The following ABCA10 variants were observed in gnomAD, a reference collection of about 807,000 sequenced individuals.
The protein encoded by ABCA10 is ATP binding cassette subfamily A member 10, also known as ATP-binding cassette sub-family A member 10.
ABCA10 carries 169 observed loss-of-function variants against 187.5 expected under a neutral mutation model. The ratio of observed to expected loss-of-function variants is 0.90; its 90% CI spans 0.80 to 1.02. The LOEUF is 1.02. ABCA10 is among the 50% of genes least tolerant of loss of function. The pLI is 0.00. For synonymous variants in ABCA10, 574 were observed against 601.8 expected, an observed-to-expected ratio of 0.95 and a Z score of 0.68; for missense variants, 1,727 against 1,812.4, an observed-to-expected ratio of 0.95 and a Z score of 0.86.
intron 4 of ABCA10, 40 bp from the exon 5 acceptor site, chr17:69,221,935 G>A (rs764747196): frequency 3.3e-5 from 47 of 1,431,268 alleles, no homozygotes; most frequent in Non-Finnish European, 4.5e-5. Context: ...GTTATATAAT[G>A]GAGTCAACTC....
intron 15 of ABCA10, 96 bp downstream of exon 15, chr17:69,193,014 C>A (rs2074472652): frequency 6.8e-7 from 1 of 1,478,684 alleles, no homozygotes; most frequent in Non-Finnish European, 9.0e-7. Flanking sequence ...AAATAAACTG[C>A]AAACAAGATT....
At chr17:69,175,704 G>T (rs2074329606) in intron 22 of ABCA10, 191 bp from the exon 23 acceptor site, 2 of 439,208 alleles carry the variant, frequency 4.6e-6, no homozygotes, top group South Asian at 6.1e-5. Flanking sequence ...TGATATAAAA[G>T]AAATTCAAAA....
At chr17:69,162,814 C>CATATAG in intron 27 of ABCA10, among the ~76,000 whole-genome samples, 4 of 61,394 alleles carry the variant, frequency 6.5e-5, no homozygotes, top group African/African-American at 9.5e-5. Context: ...TACATATATA[C>CATATAG]ATATACATAT....
At chr17:69,225,892 C>T (rs1036277421) in intron 2 of ABCA10, among the ~76,000 whole-genome samples, 1 of 151,978 alleles carries the variant, frequency 6.6e-6, no homozygotes, top group Non-Finnish European at 1.5e-5. Flanking sequence ...GCTTTTAGAT[C>T]CAGCTCACTG....
chr17:69,188,330 A>G (rs2074437412), intron 18 of ABCA10, among the ~76,000 whole-genome samples: 1 of 152,024 alleles, frequency 6.6e-6, no homozygotes, highest in African/African-American at 2.4e-5. Context: ...AGTTCATGGA[A>G]AGGCCTCCTG....
At chr17:69,158,895 T>A (rs1284165297) in intron 27 of ABCA10, among the ~76,000 whole-genome samples, 1 of 152,010 alleles carries the variant, frequency 6.6e-6, no homozygotes, top group Non-Finnish European at 1.5e-5. Flanking sequence ...GCAAATTTAA[T>A]ACTGATAAAG....
At chr17:69,224,151 C>T (rs1258831995) in intron 3 of ABCA10, among the ~76,000 whole-genome samples, 2 of 152,122 alleles carry the variant, frequency 1.3e-5, no homozygotes, top group Non-Finnish European at 2.9e-5. Flanking sequence ...GATAACAATA[C>T]CCATTCGAAA....
At chr17:69,165,541 AT>A (rs1047695803) in intron 25 of ABCA10, among the ~76,000 whole-genome samples, 6 of 152,150 alleles carry the variant, frequency 3.9e-5, no homozygotes, top group Non-Finnish European at 8.8e-5. Context: ...AGGTAGGAAT[AT>A]TGAACAGTTT....
At chr17:69,222,009 T>G in intron 4 of ABCA10, 114 bp from the exon 5 acceptor site, 1 of 751,340 alleles carries the variant, frequency 1.3e-6, no homozygotes, top group Non-Finnish European at 2.1e-6. Context: ...TCAAAGCCTA[T>G]GATTATATGA....
intron 9 of ABCA10, among the ~76,000 whole-genome samples, chr17:69,206,166 T>C (rs1568068109): frequency 6.6e-6 from 1 of 152,200 alleles, no homozygotes; most frequent in South Asian, 2.1e-4. Flanking sequence ...AAACTTACAT[T>C]AAATTTAGGA....
chr17:69,151,602 A>G (rs2074128570), intron 36 of ABCA10, among the ~76,000 whole-genome samples: 1 of 152,180 alleles, frequency 6.6e-6, no homozygotes, highest in Non-Finnish European at 1.5e-5. Context: ...GGAGGATCAA[A>G]TGATTTATAA....
chr17:69,181,985 C>G (rs143548595), intron 22 of ABCA10, among the ~76,000 whole-genome samples, 168 bp downstream of exon 22: 1 of 151,906 alleles, frequency 6.6e-6, no homozygotes, highest in African/African-American at 2.4e-5. Context: ...AAAGTAGGTA[C>G]TATTACGCTC....
At chr17:69,161,988 C>G (rs779231085) in intron 27 of ABCA10, among the ~76,000 whole-genome samples, 2 of 152,200 alleles carry the variant, frequency 1.3e-5, no homozygotes, top group Non-Finnish European at 2.9e-5. Flanking sequence ...AAAAATTCAT[C>G]TCTTTCATCT....
chr17:69,229,703 A>T (rs1268760409), upstream of ABCA10, among the ~76,000 whole-genome samples: 1 of 151,748 alleles, frequency 6.6e-6, no homozygotes, highest in Admixed American at 6.6e-5. Flanking sequence ...ACTAACAACA[A>T]AGGAAGCATA....
At chr17:69,209,690 G>A (rs2144828123) in intron 9 of ABCA10, among the ~76,000 whole-genome samples, 1 of 142,650 alleles carries the variant, frequency 7.0e-6, no homozygotes, top group South Asian at 2.3e-4. Context: ...ACAGTCACGT[G>A]TCACTGAACA....
intron 25 of ABCA10, among the ~76,000 whole-genome samples, chr17:69,167,514 A>G (rs577303724): frequency 6.6e-6 from 1 of 152,324 alleles, no homozygotes; most frequent in East Asian, 1.9e-4. Context: ...GAAATAAAAA[A>G]GAGATTGTAG....
rs947145856 is a variant in ABCA10 at position 69,196,203 on chromosome 17, C to T, written c.1234+861G>A. On this transcript the variant is annotated intron_variant, in intron 11 of 38. Transcript: ENST00000690296. ...GGCTGGCCGGGCAGGGGCTGCCCCC[C>T]ACCTCCTGGAGGGGGCGGCTGCCGG... 2.5e-5 allele frequency: 4 copies of T among 158,548 alleles called. No individual in the cohort carries two copies. In the South Asian group the frequency reaches 7.3e-4, roughly 29 times the overall value. The allele number at this position is 158,548 out of a possible 1,614,324, so 9.8% of individuals were successfully genotyped here.
intron 10 of ABCA10, among the ~76,000 whole-genome samples, chr17:69,197,582 C>CA (rs1378657858): frequency 1.3e-5 from 2 of 152,158 alleles, no homozygotes; most frequent in Non-Finnish European, 2.9e-5. Context: ...TACTACTCCA[C>CA]AAAAAACTAT....
chr17:69,193,611 A>T lies in ABCA10; in HGVS notation c.1523T>A (p.Val508Glu), dbSNP rs537347023. The T allele has an allele frequency of 3.6e-4, 571 of 1,599,982 alleles. 9 individuals carry two copies. The South Asian group carries it at 6.2e-3, about 17-fold the overall frequency. The change falls in exon 14 of 39, where the codon GTA becomes GAA. Residue 508 changes from valine (V) to glutamate (E), a missense_variant and splice_region_variant. Val to Glu is a moderately radical substitution (Grantham distance 121). Coordinates refer to ENST00000690296, the MANE Select transcript of ABCA10 (RefSeq NM_001377321.1). The part of the protein sequence containing the change: ...GIQPKEVEQE[V>E]KRIIMELDMQ... Reference sequence around the variant, plus strand: ...GTCTAATTCCATTATAATTCTTTTTACCTATCAAAGAAAACTCTGTGTTAA... The same window carrying T: ...GTCTAATTCCATTATAATTCTTTTTTCCTATCAAAGAAAACTCTGTGTTAA...
Sources: allele counts gnomAD v4.1 joint callset (sites outside exome capture counted in the v4.1 genomes callset), GRCh38; gene constraint gnomAD v4.1.1; transcripts MANE v1.5; gene names NCBI Gene and HGNC (gene_info 2026-07-23, HGNC 2026-07-21).